The following SH3RF2 variants were observed in gnomAD, a reference collection of about 807,000 sequenced individuals.
The protein encoded by SH3RF2 is E3 ubiquitin-protein ligase SH3RF2.
SH3RF2 carries 43 observed loss-of-function variants against 59.0 expected under a neutral mutation model. The observed-to-expected ratio is 0.73, with a 90% CI of 0.57 to 0.94. SH3RF2 has a LOEUF of 0.94. SH3RF2 is among the 40% of genes least tolerant of loss of function. SH3RF2 has a pLI of 0.00. For synonymous variants in SH3RF2, 391 were observed against 391.5 expected (o/e 1.00, Z 0.01); for missense variants, 930 against 940.1 (o/e 0.99, Z 0.14).
At chr5:146,058,553 A>G (rs1348447327) in intron 8 of SH3RF2, among the ~76,000 whole-genome samples, 1 of 152,240 alleles carries the variant, frequency 6.6e-6, no homozygotes, top group Non-Finnish European at 1.5e-5. Context: ...GTCACGATGC[A>G]GACGTGGCCT....
At chr5:145,957,188 C>A (rs1758446887) in intron 2 of SH3RF2, among the ~76,000 whole-genome samples, 1 of 152,016 alleles carries the variant, frequency 6.6e-6, no homozygotes, top group Non-Finnish European at 1.5e-5. Flanking sequence ...CCCTAAATAC[C>A]AAAGTTGTTA....
intron 9 of SH3RF2, 92 bp downstream of exon 9, chr5:146,060,316 G>C: frequency 7.9e-7 from 1 of 1,260,392 alleles, no homozygotes; most frequent in Non-Finnish European, 1.1e-6. Flanking sequence ...GGTGAACAAG[G>C]AACCAAAATT....
At chr5:146,076,759 T>C (rs192207924) in intron 9 of SH3RF2, among the ~76,000 whole-genome samples, 20 of 152,232 alleles carry the variant, frequency 1.3e-4, no homozygotes, top group Admixed American at 1.1e-3. Context: ...TGCTTGAAAA[T>C]TGGGGCTCCT....
intron 2 of SH3RF2, among the ~76,000 whole-genome samples, chr5:145,949,863 T>C (rs1223176923): frequency 6.6e-6 from 1 of 152,260 alleles, no homozygotes; most frequent in African/African-American, 2.4e-5. Context: ...TATTGTTTTG[T>C]TCTTGTTTTC....
rs1424484980 is a variant in SH3RF2, at chr5:146,062,751, T to C, written c.*50T>C. The C allele has an allele frequency of 3.8e-6, 6 of 1,573,466 alleles. No homozygotes were observed. Among genetic ancestry groups the C allele is most frequent in the Non-Finnish European group, 5.2e-6 (6 of 1,157,190 alleles). ...CCCAAAGAGGTGAATTGCATTTAAATACAGTCTGCCTCCACTGAGGGCATC... is the reference window on the plus strand; with the variant it reads ...CCCAAAGAGGTGAATTGCATTTAAACACAGTCTGCCTCCACTGAGGGCATC... On this transcript the variant is annotated 3_prime_UTR_variant, in exon 10 of 10. Transcript: ENST00000359120.
chr5:145,938,935 C>A lies in SH3RF2; in HGVS notation c.378+629C>A, dbSNP rs73792742. Among the ~76,000 whole-genome samples, 1,420 of 152,322 alleles carry A rather than the reference C, an allele frequency of 9.3e-3. 23 individuals are homozygous for A. Among genetic ancestry groups the A allele is most frequent in the African/African-American group, 0.03 (1,253 of 41,572 alleles). ...GTGTATAGGAGCTCTGCAGATGTGT[C>A]TCATTTTGCAAAATGAATGAAATAC... On this transcript the variant is annotated intron_variant, in intron 2 of 9. Transcript: ENST00000359120.
In SH3RF2 at chr5:145,997,706, A is replaced by G. The variant is rs913628844; in HGVS notation, c.379-2352A>G. ...TTGCTAAGGTAACAGGGAAAAAGGT[A>G]TATGCTACAAGCCAGCAAATTTTTG... is the stretch of plus-strand genomic sequence containing the variant. On this transcript the variant is annotated intron_variant, in intron 2 of 9. Coordinates refer to ENST00000359120, the MANE Select transcript of SH3RF2 (RefSeq NM_152550.4). 4.9e-5 allele frequency: 77 copies of G among 1,567,448 alleles called. No individual in the cohort carries two copies. The African/African-American group carries it at 8.7e-4, about 18-fold the overall frequency.
chr5:145,939,133 G>A (rs1354331040), intron 2 of SH3RF2, among the ~76,000 whole-genome samples: 1 of 152,236 alleles, frequency 6.6e-6, no homozygotes, highest in East Asian at 1.9e-4. Context: ...GGGATAATGT[G>A]TAAGGGCACA....
chr5:146,009,091 T>C (rs1229153530), intron 4 of SH3RF2, among the ~76,000 whole-genome samples: 1 of 152,232 alleles, frequency 6.6e-6, no homozygotes, highest in East Asian at 1.9e-4. Context: ...TTATAAACAT[T>C]TGCATACTGG....
At position 146,009,849 on chromosome 5, in the gene SH3RF2, G is replaced by A. The variant is rs1416912059; in HGVS notation, c.745-3898G>A. On this transcript the variant is annotated intron_variant, in intron 4 of 9. Coordinates refer to ENST00000359120, the MANE Select transcript of SH3RF2 (RefSeq NM_152550.4). ...ACTTTATTTATTCCTCAACAAAAGC[G>A]ACATTCAATAAAATTTTCTATCTCA... is the stretch of plus-strand genomic sequence containing the variant. Among the ~76,000 whole-genome samples the A allele has an allele frequency of 2.6e-5, 4 of 152,012 alleles. No individual in the cohort carries two copies. In the East Asian group the frequency reaches 5.8e-4, roughly 22 times the overall value.
At chr5:145,966,574 A>G (rs1431087991) in intron 2 of SH3RF2, among the ~76,000 whole-genome samples, 1 of 152,226 alleles carries the variant, frequency 6.6e-6, no homozygotes, top group Non-Finnish European at 1.5e-5. Flanking sequence ...GTTCTAGTTC[A>G]CGAGAATTAA....
intron 5 of SH3RF2, among the ~76,000 whole-genome samples, chr5:146,045,564 A>G (rs962640743): frequency 2.6e-5 from 4 of 152,204 alleles, no homozygotes; most frequent in African/African-American, 7.2e-5. Context: ...TTTCATATAA[A>G]TGGAATCAAC....
At chr5:145,945,574 G>T (rs1466920084) in intron 2 of SH3RF2, among the ~76,000 whole-genome samples, 6 of 152,154 alleles carry the variant, frequency 3.9e-5, no homozygotes, top group Non-Finnish European at 7.3e-5. Flanking sequence ...GAAGTGTATG[G>T]TCAAGGGAAG....
At chr5:146,006,575 T>G (rs1859894) in intron 4 of SH3RF2, among the ~76,000 whole-genome samples, 94,514 of 151,892 alleles carry the variant, frequency 0.62, 29,672 homozygotes, top group Middle Eastern at 0.8. Flanking sequence ...AAGTCCTGCA[T>G]GATGAGGAAA....
At chr5:146,044,861 G>A (rs1269789036) in intron 5 of SH3RF2, among the ~76,000 whole-genome samples, 2 of 152,016 alleles carry the variant, frequency 1.3e-5, no homozygotes, top group African/African-American at 4.8e-5. Flanking sequence ...TAGAAATAAT[G>A]TCATCACAAG....
chr5:145,981,819 A>G (rs1472387394), intron 2 of SH3RF2, among the ~76,000 whole-genome samples: 1 of 152,212 alleles, frequency 6.6e-6, no homozygotes, highest in African/African-American at 2.4e-5. Context: ...TGGCTGCTGT[A>G]TTGGACAGCA....
At chr5:146,056,732 A>C (rs1317700730) in intron 8 of SH3RF2, among the ~76,000 whole-genome samples, 2 of 152,240 alleles carry the variant, frequency 1.3e-5, no homozygotes, top group Non-Finnish European at 2.9e-5. Context: ...CGAACTGGAC[A>C]AAAGCAAATC....
At chr5:146,031,464 AAAG>A (rs753931052) in intron 5 of SH3RF2, among the ~76,000 whole-genome samples, 2 of 152,256 alleles carry the variant, frequency 1.3e-5, no homozygotes, top group African/African-American at 2.4e-5. Flanking sequence ...CTGATGAAAG[AAAG>A]AAGATGTGAA....
exon 10 of SH3RF2, chr5:146,080,941 GGT>G (rs1763415055): frequency 6.6e-6 from 1 of 152,314 alleles, no homozygotes; most frequent in African/African-American, 2.4e-5. Context: ...TGGGACTACA[GGT>G]GCGTGCCACC....
Sources: gnomAD v4.1 joint callset for allele counts (sites outside exome capture counted in the v4.1 genomes callset) on GRCh38, gnomAD v4.1.1 for gene constraint, MANE v1.5 for transcripts, NCBI Gene and HGNC (gene_info 2026-07-23, HGNC 2026-07-21) for gene names.